Variants in ZYG11A observed in about 807,000 individuals in gnomAD.
ZYG11A encodes the protein zyg-11 family member A, cell cycle regulator, also known as protein zyg-11 homolog A.
Under a neutral mutation model 77.2 loss-of-function variants are expected in ZYG11A, and 62 were observed. That is an observed-to-expected ratio of 0.80 (90% CI 0.65 to 0.99). The LOEUF is 0.99. Among genes scored for constraint, ZYG11A ranks in the 50% least tolerant of loss-of-function variants. ZYG11A has a pLI of 0.00. For missense variants in ZYG11A, 828 were observed against 896.8 expected, an observed-to-expected ratio of 0.92 and a Z score of 0.98; for synonymous variants, 315 against 324.6, an observed-to-expected ratio of 0.97 and a Z score of 0.32.
At chr1:52,867,512 G>A in intron 6 of ZYG11A, 27 bp from the exon 7 acceptor site, 2 of 1,449,520 alleles carry the variant, frequency 1.4e-6, no homozygotes, top group East Asian at 2.5e-5. Flanking sequence ...ATATATAATT[G>A]TGAGAAAAAT....
intron 8 of ZYG11A, among the ~76,000 whole-genome samples, chr1:52,876,030 C>A (rs1420695679): frequency 6.6e-6 from 1 of 151,144 alleles, no homozygotes; most frequent in Admixed American, 6.6e-5. Context: ...TATGTTGATG[C>A]AAATGCAAGT....
intron 13 of ZYG11A, among the ~76,000 whole-genome samples, chr1:52,889,813 G>C (rs1036372616): frequency 5.3e-5 from 8 of 151,014 alleles, no homozygotes; most frequent in African/African-American, 1.9e-4. Flanking sequence ...CCGGGTTCAC[G>C]CCATTCTCCT....
chr1:52,863,124 A>G (rs980969792), intron 4 of ZYG11A, among the ~76,000 whole-genome samples: 3 of 152,082 alleles, frequency 2.0e-5, no homozygotes, highest in African/African-American at 7.3e-5. Flanking sequence ...TGAAAAATCA[A>G]TTTAGCAATA....
In ZYG11A at chr1:52,870,719, G is replaced by A. The variant is rs373265663; in HGVS notation, c.1542+2942G>A. Among the ~76,000 whole-genome samples, 49 of 152,342 alleles carry A rather than the reference G, an allele frequency of 3.2e-4. No homozygotes were observed. The South Asian group carries it at 9.7e-3, about 30-fold the overall frequency. ...ACCAAAAAAATACGAAAAACAGTCA[G>A]GCGTGACGGCGCGCGCCTGCAGTCG... On this transcript the variant is annotated intron_variant, in intron 8 of 13. Coordinates refer to ENST00000371528, the MANE Select transcript of ZYG11A (RefSeq NM_001004339.3).
chr1:52,859,639 T>A (rs1276686548), intron 3 of ZYG11A, among the ~76,000 whole-genome samples: 1 of 139,030 alleles, frequency 7.2e-6, no homozygotes, highest in East Asian at 2.0e-4. Context: ...CCAGCTGGGC[T>A]CTTTATTTTT....
chr1:52,887,158 T>C, intron 13 of ZYG11A, 105 bp downstream of exon 13: 1 of 461,286 alleles, frequency 2.2e-6, no homozygotes, highest in East Asian at 3.4e-5. Flanking sequence ...CTCTGTCCTC[T>C]GAATTTAGGT....
At chr1:52,844,878 T>C (rs1172837046) in intron 1 of ZYG11A, among the ~76,000 whole-genome samples, 1 of 152,136 alleles carries the variant, frequency 6.6e-6, no homozygotes, top group Non-Finnish European at 1.5e-5. Context: ...CACTTAGTTT[T>C]CTTTATTTTT....
At position 52,857,696 on chromosome 1, in the gene ZYG11A, T is replaced by C. The variant is rs1479622371; in HGVS notation, c.955T>C (p.Leu319=). The C allele has an allele frequency of 2.6e-6, 4 of 1,552,064 alleles. No individual in the cohort carries two copies. In the African/African-American group the frequency reaches 4.1e-5, roughly 16 times the overall value. Residue 319 remains leucine, a synonymous_variant, in exon 3 of 14, where the codon TTG becomes CTG. Coordinates refer to ENST00000371528, the MANE Select transcript of ZYG11A (RefSeq NM_001004339.3). ...GCCTGCCATGCAATTTGTGGGACTA[T>C]TGGCCACGGATGCTGGCTCTTCTGA... The part of the protein sequence containing the change: ...LRPAMQFVGL[L]ATDAGSSDFF...
chr1:52,843,142 G>A (rs1558153600), intron 1 of ZYG11A, among the ~76,000 whole-genome samples, 169 bp downstream of exon 1: 1 of 152,090 alleles, frequency 6.6e-6, no homozygotes, highest in Non-Finnish European at 1.5e-5. Context: ...CGCTGCGGAG[G>A]TGCGTTGTCG....
In ZYG11A at chr1:52,881,604, C is replaced by T. The variant is rs1184827727; in HGVS notation, c.1883C>T (p.Thr628Ile). 3 of 1,552,216 alleles carry T rather than the reference C, an allele frequency of 1.9e-6. No homozygotes were observed. The highest frequency in any genetic ancestry group is 2.6e-6 in the Non-Finnish European group (3 of 1,147,134). The change falls in exon 11 of 14, where the codon ACA becomes ATA. Residue 628 changes from threonine to isoleucine, a missense_variant. Transcript: ENST00000371528. ...GCTGCAGGTATCATAGCCCACCTGACATCTGACAGACAGCTTTGGATATCC... is the reference window on the plus strand; with the variant it reads ...GCTGCAGGTATCATAGCCCACCTGATATCTGACAGACAGCTTTGGATATCC... ...YFAAGIIAHL[T>I]SDRQLWISRD...
Position 52,844,546 on chromosome 1 carries a change from A to G in ZYG11A, c.90+1573A>G, listed in dbSNP as rs1015014843. Among the ~76,000 whole-genome samples, 4 of 152,300 alleles carry G rather than the reference A, an allele frequency of 2.6e-5. No individual in the cohort carries two copies. In the East Asian group the frequency reaches 5.8e-4, roughly 22 times the overall value. ...AATTAATTATTTTAATTACACAAAT[A>G]TTGCATGAATACTTTTTTCCCTATG... On this transcript the variant is annotated intron_variant, in intron 1 of 13. Coordinates refer to ENST00000371528, the MANE Select transcript of ZYG11A (RefSeq NM_001004339.3).
At chr1:52,878,949 C>CAAAAA (rs914463472) in intron 10 of ZYG11A, among the ~76,000 whole-genome samples, 8 of 27,228 alleles carry the variant, frequency 2.9e-4, no homozygotes, top group East Asian at 1.5e-3. Flanking sequence ...AAACTCTGCT[C>CAAAAA]AAAAAAAAAA....
intron 3 of ZYG11A, among the ~76,000 whole-genome samples, chr1:52,860,369 C>T (rs1481595807): frequency 6.6e-6 from 1 of 151,982 alleles, no homozygotes; most frequent in East Asian, 1.9e-4. Context: ...ATTCTTGAAT[C>T]CTGTATATCT....
At chr1:52,877,132 C>A (rs908358136) in intron 8 of ZYG11A, among the ~76,000 whole-genome samples, 13 of 152,234 alleles carry the variant, frequency 8.5e-5, no homozygotes, top group African/African-American at 3.1e-4. Flanking sequence ...CCTCTCCCCC[C>A]AGCCCCGTTC....
Position 52,842,871 on chromosome 1 carries a change from C to G in ZYG11A, c.-13C>G, listed in dbSNP as rs756069250. On this transcript the variant is annotated 5_prime_UTR_variant, in exon 1 of 14. Transcript: ENST00000371528. ...GCCGGCTCTCTTTTTGACGCCCCGC[C>G]GCCGGGGTTGCCATGGTTCATTTCT... 1.3e-6 allele frequency: 2 copies of G among 1,529,024 alleles called. No homozygotes were observed. The highest frequency in any genetic ancestry group is 1.8e-6 in the Non-Finnish European group (2 of 1,137,600). 94.7% of individuals were successfully genotyped at this position (1,529,024 alleles called of 1,614,324 possible).
chr1:52,844,234 T>G (rs1645519355), intron 1 of ZYG11A, among the ~76,000 whole-genome samples: 1 of 152,210 alleles, frequency 6.6e-6, no homozygotes, highest in Non-Finnish European at 1.5e-5. Flanking sequence ...GAAGGAAATG[T>G]TCTGATTAAG....
At position 52,859,844 on chromosome 1, in the gene ZYG11A, A is replaced by C. The variant is rs142245687; in HGVS notation, c.1009-887A>C. On this transcript the variant is annotated intron_variant, in intron 3 of 13. Coordinates refer to ENST00000371528, the MANE Select transcript of ZYG11A (RefSeq NM_001004339.3). Reference sequence around the variant, plus strand: ...AGGCGTGCACCACCACGCCCATCTAATTTTTGTACTTTTAGTAGAGATGAG... The same window carrying C: ...AGGCGTGCACCACCACGCCCATCTACTTTTTGTACTTTTAGTAGAGATGAG... Among the ~76,000 whole-genome samples, 597 of 150,594 alleles carry C rather than the reference A, an allele frequency of 4.0e-3. 20 individuals carry two copies. The East Asian group carries it at 0.075, about 19-fold the overall frequency.
intron 3 of ZYG11A, 43 bp downstream of exon 3, chr1:52,857,792 C>T (rs1207350479): frequency 6.8e-7 from 1 of 1,474,458 alleles, no homozygotes; most frequent in Non-Finnish European, 9.0e-7. Flanking sequence ...TTGTTTAGAA[C>T]ATTATTAAAC....
At chr1:52,863,927 C>A in intron 4 of ZYG11A, 54 bp from the exon 5 acceptor site, 1 of 1,462,644 alleles carries the variant, frequency 6.8e-7, no homozygotes, top group Non-Finnish European at 9.2e-7. Context: ...ATGCACAAGA[C>A]AGCATAGAGA....
Sources: allele counts gnomAD v4.1 joint callset (sites outside exome capture counted in the v4.1 genomes callset), GRCh38; gene constraint gnomAD v4.1.1; transcripts MANE v1.5; gene names NCBI Gene and HGNC (gene_info 2026-07-23, HGNC 2026-07-21).